The following VPS13C variants were observed in gnomAD, a reference collection of about 807,000 sequenced individuals.
VPS13C encodes vacuolar protein sorting 13 homolog C, also known as intermembrane lipid transfer protein VPS13C.
VPS13C carries 358 observed loss-of-function variants against 456.8 expected under a neutral mutation model. The ratio of observed to expected loss-of-function variants is 0.78; its 90% CI spans 0.72 to 0.86. The LOEUF is 0.86. VPS13C is among the 40% of genes least tolerant of loss of function. The pLI is 0.00. For missense variants in VPS13C, 4,818 were observed against 4,385.4 expected (o/e 1.10, Z -2.79); for synonymous variants, 1,578 against 1,486.7 (o/e 1.06, Z -1.41).
intron 67 of VPS13C, among the ~76,000 whole-genome samples, chr15:61,885,458 CAA>C (rs982866986): frequency 3.3e-5 from 5 of 152,050 alleles, no homozygotes; most frequent in African/African-American, 1.2e-4. Flanking sequence ...GCCCAGAACT[CAA>C]AGAGTACAAT....
chr15:61,942,638 TAA>T (rs929199451), intron 45 of VPS13C, among the ~76,000 whole-genome samples: 3 of 151,018 alleles, frequency 2.0e-5, no homozygotes, highest in African/African-American at 7.3e-5. Context: ...TTATTTATAA[TAA>T]GATGTATTTC....
intron 81 of VPS13C, chr15:61,865,934 A>T: frequency 1.0e-6 from 1 of 983,174 alleles, no homozygotes; most frequent in Non-Finnish European, 1.2e-6. Flanking sequence ...GAACATGAGG[A>T]TCAAAAGATC....
At chr15:61,863,198 G>T (rs1036739645) in intron 82 of VPS13C, among the ~76,000 whole-genome samples, 1 of 152,036 alleles carries the variant, frequency 6.6e-6, no homozygotes, top group Non-Finnish European at 1.5e-5. Flanking sequence ...GTGTAACTTG[G>T]ATAAGTCCCT....
chr15:62,057,172 T>G (rs1417713893), intron 1 of VPS13C, among the ~76,000 whole-genome samples: 1 of 152,186 alleles, frequency 6.6e-6, no homozygotes, highest in Admixed American at 6.5e-5. Context: ...CAAGATGAAT[T>G]CTTCCCTTTC....
intron 13 of VPS13C, 89 bp downstream of exon 13, chr15:62,010,383 C>A: frequency 7.5e-7 from 1 of 1,327,724 alleles, no homozygotes; most frequent in Non-Finnish European, 9.8e-7. Flanking sequence ...CCCCAAAAAA[C>A]CACCAACCAC....
chr15:61,896,982 A>G (rs1237303185), intron 66 of VPS13C, among the ~76,000 whole-genome samples: 1 of 152,202 alleles, frequency 6.6e-6, no homozygotes, highest in Non-Finnish European at 1.5e-5. Context: ...GCACCCCCCA[A>G]CAGGGGCACA....
Position 61,964,706 on chromosome 15 carries a change from C to A in VPS13C, c.3207G>T (p.Leu1069=). 3.1e-6 allele frequency: 5 copies of A among 1,599,374 alleles called. No homozygotes were observed. The highest frequency in any genetic ancestry group is 2.6e-6 in the Non-Finnish European group (3 of 1,175,602). ...AAAATGTATGTTTCATACCTTTTGG[C>A]AGAGTTGAATTTTTTTGTTGTTTTT... ...STEKQQKNST[L]PKAIVSSRDS... The change falls in exon 31 of 85, where the codon CTG becomes CTT. Residue 1069 remains leucine, a synonymous_variant. Transcript: ENST00000644861.
chr15:61,942,378 TCTC>T (rs887140453), intron 45 of VPS13C, among the ~76,000 whole-genome samples: 3 of 151,656 alleles, frequency 2.0e-5, no homozygotes, highest in Non-Finnish European at 4.4e-5. Context: ...CTTTTAAAAA[TCTC>T]CTTTTTATTA....
chr15:61,912,992 C>T (rs2043349417), intron 62 of VPS13C, among the ~76,000 whole-genome samples: 1 of 151,036 alleles, frequency 6.6e-6, no homozygotes, highest in Admixed American at 6.6e-5. Flanking sequence ...TACCATCTCA[C>T]ACCAGTTAGA....
chr15:61,880,176 T>TA (rs1457624306), intron 73 of VPS13C, among the ~76,000 whole-genome samples: 3 of 152,072 alleles, frequency 2.0e-5, no homozygotes, highest in Admixed American at 2.0e-4. Flanking sequence ...TCCACTCCCT[T>TA]AGTTACAAGC....
In VPS13C at chr15:62,016,597, G is replaced by A. The variant is rs1455583808; in HGVS notation, c.685-2605C>T. Among the ~76,000 whole-genome samples the A allele has an allele frequency of 2.0e-4, 30 of 151,998 alleles. 1 individual carries two copies. In the East Asian group the frequency reaches 4.8e-3, roughly 25 times the overall value. On this transcript the variant is annotated intron_variant, in intron 9 of 84. Transcript: ENST00000644861. ...TCATCCATGTCCCTACAAAGGACAT[G>A]AACTCATCATTTTTTATGGCTGCAT...
At position 61,942,013 on chromosome 15, in the gene VPS13C, G is replaced by A. The variant is rs1246170640; in HGVS notation, c.5203C>T (p.Gln1735Ter). Residue 1735 changes from glutamine (Q) to a stop codon, truncating the protein, a stop_gained, in exon 46 of 85, where the codon CAG (glutamine) becomes TAG (stop). Coordinates refer to ENST00000644861, the MANE Select transcript of VPS13C (RefSeq NM_020821.3). LOFTEE classifies it high-confidence loss of function. Reference sequence around the variant, plus strand: ...CTGGAAGCAGCTCTTTCTGCAGCCTGGACTGTGGCTGTACTCAAAGCTTCT... The same window carrying A: ...CTGGAAGCAGCTCTTTCTGCAGCCTAGACTGTGGCTGTACTCAAAGCTTCT... ...AKEALSTATV[Q>*]AAERAASSMK... The A allele has an allele frequency of 6.2e-7, 1 of 1,613,428 alleles. No individual in the cohort carries two copies. Among genetic ancestry groups the A allele is most frequent in the African/African-American group, 1.3e-5 (1 of 74,906 alleles).
intron 12 of VPS13C, among the ~76,000 whole-genome samples, 176 bp downstream of exon 12, chr15:62,011,931 G>T (rs1030605221): frequency 6.6e-6 from 1 of 151,870 alleles, no homozygotes; most frequent in African/African-American, 2.4e-5. Flanking sequence ...CCAGTGGTGT[G>T]TGTTACGATC....
intron 56 of VPS13C, 78 bp downstream of exon 56, chr15:61,920,420 C>A: frequency 6.7e-7 from 1 of 1,489,892 alleles, no homozygotes. Context: ...TTTTTGGAAA[C>A]TAATTTTGAT....
chr15:62,037,268 TATATA>T (rs1374174311), intron 3 of VPS13C, among the ~76,000 whole-genome samples: 2 of 21,984 alleles, frequency 9.1e-5, no homozygotes, highest in Non-Finnish European at 1.7e-4. Flanking sequence ...TATATTATAT[TATATA>T]ATATATTATA....
chr15:61,931,612 CT>C (rs746224655), intron 49 of VPS13C, among the ~76,000 whole-genome samples: 3 of 147,210 alleles, frequency 2.0e-5, no homozygotes. Context: ...GAGTTTCGCT[CT>C]GTCGCCCAGG....
In VPS13C at chr15:61,925,482, T is replaced by C; in HGVS notation, c.6583A>G (p.Ile2195Val). ...TWASGKQNIN[I>V]MVKEFIIKIS... ...TTAATTATAAATTCTTTAACCATAATATTTATATTTTGCTTTCCTGAAGCC... is the reference window on the plus strand; with the variant it reads ...TTAATTATAAATTCTTTAACCATAACATTTATATTTTGCTTTCCTGAAGCC... The change falls in exon 53 of 85, where the codon ATT (isoleucine) becomes GTT (valine). Residue 2195 changes from isoleucine to valine, a missense_variant. By Grantham distance (29) the Ile-to-Val change is conservative. Coordinates refer to ENST00000644861, the MANE Select transcript of VPS13C (RefSeq NM_020821.3). 1 of 1,597,134 alleles carries C rather than the reference T, an allele frequency of 6.3e-7. No individual in the cohort carries two copies. Among genetic ancestry groups the C allele is most frequent in the South Asian group, 1.1e-5 (1 of 88,918 alleles).
At chr15:61,908,636 G>A (rs2043213540) in intron 65 of VPS13C, among the ~76,000 whole-genome samples, 1 of 152,060 alleles carries the variant, frequency 6.6e-6, no homozygotes, top group Non-Finnish European at 1.5e-5. Context: ...TACTTAAACA[G>A]GTTCACTCCC....
intron 12 of VPS13C, among the ~76,000 whole-genome samples, chr15:62,010,831 T>G (rs1024062393): frequency 6.6e-6 from 1 of 152,162 alleles, no homozygotes; most frequent in African/African-American, 2.4e-5. Flanking sequence ...ATCCCATGCT[T>G]CTAGGTAAGA....
Sources: allele counts gnomAD v4.1 joint callset (sites outside exome capture counted in the v4.1 genomes callset), GRCh38; gene constraint gnomAD v4.1.1; transcripts MANE v1.5; gene names NCBI Gene and HGNC (gene_info 2026-07-23, HGNC 2026-07-21).